Variants in RASSF3 observed in about 807,000 individuals in gnomAD.
RASSF3 encodes Ras association domain family member 3.
Under a neutral mutation model 19.9 loss-of-function variants are expected in RASSF3, and 19 were observed. That is an observed-to-expected ratio of 0.96 (90% CI 0.67 to 1.40). The LOEUF (loss-of-function observed/expected upper bound fraction) is 1.40, where lower values mean the gene tolerates loss of function less well. RASSF3 is among the 40% of genes most tolerant of loss of function. The pLI is 0.00. For missense variants in RASSF3, 306 were observed against 289.8 expected (o/e 1.06, Z -0.41); for synonymous variants, 110 against 104.2 (o/e 1.06, Z -0.34).
At chr12:64,546,069 C>T (rs1428956067), downstream of RASSF3, among the ~76,000 whole-genome samples, 14 of 144,720 alleles carry the variant, frequency 9.7e-5, no homozygotes, top group African/African-American at 3.7e-4. Flanking sequence ...GCGCTCCAGC[C>T]TCCGCGACAG....
At chr12:64,528,264 G>A (rs1455081856) in intron 1 of RASSF3, among the ~76,000 whole-genome samples, 3 of 152,108 alleles carry the variant, frequency 2.0e-5, no homozygotes, top group African/African-American at 7.2e-5. Flanking sequence ...CAGAACACAA[G>A]ACCCTGTCTC....
chr12:64,565,742 A>G (rs1457343315), intron 2 of RASSF3, among the ~76,000 whole-genome samples: 1 of 150,894 alleles, frequency 6.6e-6, no homozygotes, highest in Non-Finnish European at 1.5e-5. Flanking sequence ...AATTAGCTGG[A>G]TGTGGTGGCA....
chr12:64,581,669 G>C (rs1029900157), intron 2 of RASSF3, among the ~76,000 whole-genome samples: 1 of 152,056 alleles, frequency 6.6e-6, no homozygotes, highest in African/African-American at 2.4e-5. Context: ...ATGAAAATTA[G>C]AATGTTTTTA....
intron 2 of RASSF3, among the ~76,000 whole-genome samples, chr12:64,557,195 C>T (rs1276300211): frequency 6.6e-6 from 1 of 152,074 alleles, no homozygotes; most frequent in Non-Finnish European, 1.5e-5. Context: ...GTTCTCAGTG[C>T]TTACCTTGTT....
At position 64,646,610 on chromosome 12, in the gene RASSF3, G is replaced by A. The variant is rs114863918; in HGVS notation, c.111+35867G>A. On this transcript the variant is annotated intron_variant, in intron 1 of 4. Coordinates refer to ENST00000542104, the MANE Select transcript of RASSF3 (RefSeq NM_178169.4). ...TACCCATCTACTGTAAGTTAACATTGTCCAAATTCTAGTCTAATTATGCTT... is the reference window on the plus strand; with the variant it reads ...TACCCATCTACTGTAAGTTAACATTATCCAAATTCTAGTCTAATTATGCTT... Among the ~76,000 whole-genome samples, 709 of 152,176 alleles carry A rather than the reference G, an allele frequency of 4.7e-3. 10 individuals carry two copies. The highest frequency in any genetic ancestry group is 0.016 in the African/African-American group (658 of 41,512).
chr12:64,611,064 C>T (rs1419411406), intron 1 of RASSF3, among the ~76,000 whole-genome samples: 1 of 152,224 alleles, frequency 6.6e-6, no homozygotes, highest in East Asian at 1.9e-4. Context: ...GTCCCCGGGC[C>T]ACTCCCCCAG....
At chr12:64,531,194 A>G (rs1868699973), upstream of RASSF3, among the ~76,000 whole-genome samples, 1 of 152,182 alleles carries the variant, frequency 6.6e-6, no homozygotes, top group Non-Finnish European at 1.5e-5. Flanking sequence ...ATTTAGCCTT[A>G]CGATCTACTT....
downstream of RASSF3, among the ~76,000 whole-genome samples, chr12:64,543,236 CG>C (rs1305693864): frequency 6.7e-6 from 1 of 148,210 alleles, no homozygotes; most frequent in African/African-American, 2.5e-5. Context: ...AGTGGCCGGC[CG>C]GCGCCGCCCG....
Position 64,641,870 on chromosome 12 carries a change from G to C in RASSF3, c.111+31127G>C, listed in dbSNP as rs57100321. On this transcript the variant is annotated intron_variant, in intron 1 of 4. Transcript: ENST00000542104. ...CGATTCTTCTGCCTCAGCCTCCCGA[G>C]TAGCTGGGATAACAGGCATGTGCCA... is the stretch of plus-strand genomic sequence containing the variant. 7.0e-3 allele frequency among the ~76,000 whole-genome samples: 1,058 copies of C among 151,500 alleles called. 14 individuals are homozygous for C. The highest frequency in any genetic ancestry group is 0.025 in the African/African-American group (1,019 of 41,284).
downstream of RASSF3, among the ~76,000 whole-genome samples, chr12:64,543,640 C>T (rs543412738): frequency 3.1e-4 from 47 of 149,576 alleles, no homozygotes; most frequent in African/African-American, 9.1e-4. Flanking sequence ...GGAGTGCGGG[C>T]GCACGGCGCG....
chr12:64,632,297 G>T (rs995905533), intron 1 of RASSF3, among the ~76,000 whole-genome samples: 5 of 151,978 alleles, frequency 3.3e-5, no homozygotes. Flanking sequence ...AAGGAGGGAG[G>T]GTTGGCAGGC....
At position 64,577,933 on chromosome 12, in the gene RASSF3, A is replaced by G. The variant is rs567047909; in HGVS notation, c.294+36228A>G. ...AGTAGGGTAATGATAAAAATACCTA[A>G]AATTGCCAGGTGTGATGGCTCATGC... On this transcript the variant is annotated intron_variant, in intron 2 of 5. Coordinates refer to the RASSF3 transcript ENST00000637125. Among the ~76,000 whole-genome samples the G allele has an allele frequency of 2.0e-5, 3 of 151,496 alleles. No homozygotes were observed. In the East Asian group the frequency reaches 5.9e-4, roughly 30 times the overall value.
At chr12:64,631,776 G>A (rs1390302718) in intron 1 of RASSF3, among the ~76,000 whole-genome samples, 1 of 152,134 alleles carries the variant, frequency 6.6e-6, no homozygotes, top group Admixed American at 6.6e-5. Context: ...TGCCATGTTG[G>A]CCAGGCTGGT....
chr12:64,657,472 T>G (rs1377469056), intron 1 of RASSF3, among the ~76,000 whole-genome samples: 2 of 152,200 alleles, frequency 1.3e-5, no homozygotes, highest in African/African-American at 4.8e-5. Flanking sequence ...TTTTAAAAAG[T>G]AAGAGTAGTA....
At chr12:64,659,441 G>A (rs17100523) in intron 1 of RASSF3, among the ~76,000 whole-genome samples, 2,641 of 152,192 alleles carry the variant, frequency 0.017, 83 homozygotes, top group African/African-American at 0.061. Flanking sequence ...ATTCCGAGGC[G>A]GTCTGAGCAT....
intron 1 of RASSF3, among the ~76,000 whole-genome samples, chr12:64,678,656 A>AAAAAAAAAAAAAAAAAC (rs1872999480): frequency 6.7e-6 from 1 of 150,338 alleles, no homozygotes; most frequent in Non-Finnish European, 1.5e-5. Flanking sequence ...ACCAAAAAAA[A>AAAAAAAAAAAAAAAAAC]AAAAAAAAAC....
chr12:64,678,896 G>A (rs1873013781), intron 1 of RASSF3, among the ~76,000 whole-genome samples: 1 of 152,060 alleles, frequency 6.6e-6, no homozygotes, highest in Non-Finnish European at 1.5e-5. Flanking sequence ...AGAAAACTGA[G>A]GCCCAGAGAG....
chr12:64,512,340 G>C (rs534115264), intron 1 of RASSF3, among the ~76,000 whole-genome samples: 1 of 152,086 alleles, frequency 6.6e-6, no homozygotes, highest in South Asian at 2.1e-4. Context: ...ATGATCAGCC[G>C]GGCACAGTGG....
At chr12:64,626,161 A>G (rs892997900) in intron 1 of RASSF3, among the ~76,000 whole-genome samples, 2 of 152,196 alleles carry the variant, frequency 1.3e-5, no homozygotes, top group Admixed American at 1.3e-4. Context: ...ATATTTTTGT[A>G]TAAATGTTAT....
Sources: gnomAD v4.1 joint callset for allele counts (sites outside exome capture counted in the v4.1 genomes callset) on GRCh38, gnomAD v4.1.1 for gene constraint, MANE v1.5 for transcripts, NCBI Gene and HGNC (gene_info 2026-07-23, HGNC 2026-07-21) for gene names.